The following BAHCC1 variants were observed in gnomAD, a reference collection of about 807,000 sequenced individuals.
BAHCC1 encodes BAH and coiled-coil domain-containing protein 1.
BAHCC1 carries 43 observed loss-of-function variants against 88.2 expected under a neutral mutation model. That is an observed-to-expected ratio of 0.49 (90% CI 0.38 to 0.63). The LOEUF (loss-of-function observed/expected upper bound fraction) is 0.63. Among genes scored for constraint, BAHCC1 ranks in the 20% least tolerant of loss-of-function variants. The probability of loss-of-function intolerance (pLI) is 0.00; values close to 1 mark genes in which losing one functional copy is unlikely to be tolerated. For missense variants in BAHCC1, 3,023 were observed against 1,654.8 expected (o/e 1.83, Z -14.34); for synonymous variants, 1,510 against 745.5 (o/e 2.03, Z -16.71).
intron 2 of BAHCC1, chr17:81,422,840 G>A (rs1439953095): frequency 1.0e-5 from 4 of 396,226 alleles, no homozygotes; most frequent in African/African-American, 8.6e-5. Context: ...GAGGGTGTGG[G>A]GGTGGGAAGG....
intron 3 of BAHCC1, among the ~76,000 whole-genome samples, chr17:81,427,719 T>G (rs1433768613): frequency 6.6e-6 from 1 of 152,106 alleles, no homozygotes; most frequent in Non-Finnish European, 1.5e-5. Flanking sequence ...TGGGAAGGGT[T>G]AAGCTCCCCC....
intron 3 of BAHCC1, among the ~76,000 whole-genome samples, chr17:81,433,970 C>T (rs1725683983): frequency 6.6e-6 from 1 of 152,172 alleles, no homozygotes; most frequent in African/African-American, 2.4e-5. Context: ...CCAGGCTGAG[C>T]CTCGTGCGTG....
chr17:81,457,382 C>T (rs1241785193), intron 16 of BAHCC1, 28 bp from the exon 17 acceptor site: 4 of 752,150 alleles, frequency 5.3e-6, no homozygotes, highest in African/African-American at 5.1e-5. Context: ...ACCATCAAGT[C>T]ATCAGGACCC....
intron 11 of BAHCC1, among the ~76,000 whole-genome samples, chr17:81,449,461 C>T (rs1410432973): frequency 6.6e-6 from 1 of 152,194 alleles, no homozygotes; most frequent in Non-Finnish European, 1.5e-5. Context: ...GAAAAAGCCC[C>T]CACCATCGGG....
At chr17:81,452,924 C>T in intron 14 of BAHCC1, 73 bp downstream of exon 14, 1 of 641,072 alleles carries the variant, frequency 1.6e-6, no homozygotes, top group Non-Finnish European at 2.8e-6. Flanking sequence ...GAGCAGGGTC[C>T]AGGCTCCCCT....
rs896088999 is a variant in BAHCC1, at chr17:81,427,067, C to T, written c.358+88C>T. The T allele has an allele frequency of 2.2e-3, 861 of 398,414 alleles. 5 individuals carry two copies. The highest frequency in any genetic ancestry group is 0.016 in the African/African-American group (787 of 48,736). 24.7% of individuals were successfully genotyped at this position (398,414 alleles called of 1,614,324 possible). A position where few individuals can be genotyped will look rare whatever the true frequency, so the allele number is the denominator to read the frequency against. On this transcript the variant is annotated intron_variant, in intron 3 of 27. Coordinates refer to ENST00000675386, the MANE Select transcript of BAHCC1 (RefSeq NM_001377448.1). Reference sequence around the variant, plus strand: ...GGGCCAGGGGCAGGTGAGGGGCTCCCATCGTGGCCGTGGGAACCTGGCCGG... The same window carrying T: ...GGGCCAGGGGCAGGTGAGGGGCTCCTATCGTGGCCGTGGGAACCTGGCCGG...
chr17:81,460,501 C>T (rs544039370), intron 24 of BAHCC1, 29 bp from the exon 25 acceptor site: 1 of 733,866 alleles, frequency 1.4e-6, no homozygotes, highest in Non-Finnish European at 2.5e-6. Flanking sequence ...AGCCATGGCA[C>T]TGAAGCCCTT....
At chr17:81,449,597 C>G (rs1224060449) in intron 11 of BAHCC1, among the ~76,000 whole-genome samples, 2 of 152,158 alleles carry the variant, frequency 1.3e-5, no homozygotes, top group Non-Finnish European at 2.9e-5. Flanking sequence ...TGCAGTGACC[C>G]CAGGAGACCT....
At chr17:81,450,221 A>G (rs1410519858) in intron 11 of BAHCC1, among the ~76,000 whole-genome samples, 2 of 151,744 alleles carry the variant, frequency 1.3e-5, no homozygotes, top group African/African-American at 4.8e-5. Flanking sequence ...CTTCCTGGCC[A>G]TCACCACCCA....
At chr17:81,441,718 C>CTGGA (rs2064420097) in intron 4 of BAHCC1, 113 bp from the exon 5 acceptor site, 2 of 475,866 alleles carry the variant, frequency 4.2e-6, no homozygotes, top group African/African-American at 4.0e-5. Context: ...AGGCTGTAAC[C>CTGGA]TGGAGTCAGT....
intron 11 of BAHCC1, among the ~76,000 whole-genome samples, chr17:81,448,610 T>G (rs1267557020): frequency 6.6e-6 from 1 of 152,120 alleles, no homozygotes; most frequent in African/African-American, 2.4e-5. Context: ...AAGCTGACAG[T>G]CTTCAGGGCT....
chr17:81,446,694 A>C (rs1385357270), intron 10 of BAHCC1: 1 of 438,942 alleles, frequency 2.3e-6, no homozygotes, highest in African/African-American at 2.0e-5. Flanking sequence ...GACCACAGGC[A>C]TGCACCACCA....
chr17:81,398,224 CT>C (rs1264114576), intron 1 of BAHCC1, among the ~76,000 whole-genome samples: 1 of 152,214 alleles, frequency 6.6e-6, no homozygotes, highest in East Asian at 1.9e-4. Flanking sequence ...CAGGGAGCGC[CT>C]TCGGAGGGAC....
At chr17:81,433,026 C>T (rs560404329) in intron 3 of BAHCC1, among the ~76,000 whole-genome samples, 9 of 149,974 alleles carry the variant, frequency 6.0e-5, no homozygotes, top group South Asian at 2.2e-4. Context: ...CACCTGCTCC[C>T]GCTCTTAGCT....
rs781952649 is a variant in BAHCC1, at chr17:81,461,969, T to A, written c.7306T>A (p.Ser2436Thr). Residue 2436 changes from serine to threonine, a missense_variant, in exon 26 of 28, where the codon TCC becomes ACC. Ser to Thr is a moderately conservative substitution (Grantham distance 58). Coordinates refer to ENST00000675386, the MANE Select transcript of BAHCC1 (RefSeq NM_001377448.1). ...GCTCTCCCGGAGGCAGCGGCCGCCC[T>A]CCGTGGAAAACCGGCCAAAGATCTC... is the stretch of plus-strand genomic sequence containing the variant. ...KELSRRQRPP[S>T]VENRPKISAF... 2 of 774,528 alleles carry A rather than the reference T, an allele frequency of 2.6e-6. No individual in the cohort carries two copies. Among genetic ancestry groups the A allele is most frequent in the Non-Finnish European group, 4.8e-6 (2 of 416,000 alleles). 48.0% of individuals were successfully genotyped at this position (774,528 alleles called of 1,614,324 possible).
At chr17:81,429,302 CA>C (rs1258425907) in intron 3 of BAHCC1, among the ~76,000 whole-genome samples, 2 of 152,228 alleles carry the variant, frequency 1.3e-5, no homozygotes, top group African/African-American at 4.8e-5. Context: ...TCCAAGGCCA[CA>C]CACCTGCGAG....
intron 7 of BAHCC1, 21 bp downstream of exon 7, chr17:81,444,589 G>A: frequency 1.4e-6 from 1 of 740,310 alleles, no homozygotes; most frequent in South Asian, 1.4e-5. Flanking sequence ...CAAGGGCGGG[G>A]GCTGGCCTGG....
At chr17:81,438,268 G>A (rs1002759748) in intron 3 of BAHCC1, 102 bp from the exon 4 acceptor site, 7 of 718,916 alleles carry the variant, frequency 9.7e-6, no homozygotes, top group East Asian at 2.6e-5. Flanking sequence ...GCGGGACATC[G>A]CTCCTGGGCT....
intron 3 of BAHCC1, among the ~76,000 whole-genome samples, chr17:81,432,580 C>T (rs1404102767): frequency 7.2e-6 from 1 of 139,742 alleles, no homozygotes; most frequent in Non-Finnish European, 1.6e-5. Context: ...CGGGCCCACC[C>T]TCCCCTCCAG....
Sources: allele counts gnomAD v4.1 joint callset (sites outside exome capture counted in the v4.1 genomes callset), GRCh38; gene constraint gnomAD v4.1.1; transcripts MANE v1.5; gene names NCBI Gene and HGNC (gene_info 2026-07-23, HGNC 2026-07-21).